SARNP: variants seen among roughly 807,000 people sequenced by gnomAD.
The protein encoded by SARNP is SAP domain containing ribonucleoprotein.
In SARNP, 5 loss-of-function variants were observed where a neutral mutation model predicts 38.1. The ratio of observed to expected loss-of-function variants is 0.13; its 90% CI spans 0.07 to 0.28. SARNP has a LOEUF of 0.28. SARNP is among the 10% of genes least tolerant of loss of function. The pLI is 1.00. For synonymous variants in SARNP, 84 were observed against 80.6 expected (o/e 1.04, Z -0.23); for missense variants, 180 against 243.9 (o/e 0.74, Z 1.75).
At position 55,800,613 on chromosome 12, in the gene SARNP, G is replaced by A; in HGVS notation, c.200C>T (p.Pro67Leu). 1 of 1,611,450 alleles carries A rather than the reference G, an allele frequency of 6.2e-7. No individual in the cohort carries two copies. Among genetic ancestry groups the A allele is most frequent in the South Asian group, 1.1e-5 (1 of 90,664 alleles). The change falls in exon 4 of 11, where the codon CCC becomes CTC. Residue 67 changes from proline to leucine, a missense_variant. By Grantham distance (98) the Pro-to-Leu change is moderately conservative. Transcript: ENST00000336133. ...TTCCTCTTTGACAGGGAGCTCAATG[G>A]GCTTTGTTTCTTCTTCCTAAAACCA... ...GDETEEEETK[P>L]IELPVKEEEP... is the part of the protein sequence containing the mutation.
chr12:55,814,756 C>T (rs541239468), intron 1 of SARNP, among the ~76,000 whole-genome samples: 8 of 152,118 alleles, frequency 5.3e-5, no homozygotes, highest in African/African-American at 9.6e-5. Context: ...GTAATCCCAG[C>T]TACTCGGGAA....
At chr12:55,808,462 C>T (rs1454686455) in intron 1 of SARNP, among the ~76,000 whole-genome samples, 3 of 152,104 alleles carry the variant, frequency 2.0e-5, no homozygotes, top group African/African-American at 7.2e-5. Flanking sequence ...ATTACACACA[C>T]GCGCCACCAT....
intron 1 of SARNP, among the ~76,000 whole-genome samples, chr12:55,810,500 T>A (rs1293011508): frequency 6.6e-6 from 1 of 151,546 alleles, no homozygotes; most frequent in East Asian, 1.9e-4. Context: ...TCACTCAGGC[T>A]GGAGTACAGT....
At chr12:55,796,993 G>T (rs1377273754) in intron 4 of SARNP, among the ~76,000 whole-genome samples, 1 of 152,122 alleles carries the variant, frequency 6.6e-6, no homozygotes. Flanking sequence ...GGACCACAGG[G>T]GCGGGAGACA....
At chr12:55,791,195 G>A (rs1315909888) in intron 7 of SARNP, among the ~76,000 whole-genome samples, 1 of 152,206 alleles carries the variant, frequency 6.6e-6, no homozygotes, top group African/African-American at 2.4e-5. Context: ...GAGAGGTAAT[G>A]GAGGATATCT....
chr12:55,817,578 C>T (rs1565686460), intron 1 of SARNP, 88 bp downstream of exon 1: 2 of 1,277,040 alleles, frequency 1.6e-6, no homozygotes, highest in Non-Finnish European at 1.1e-6. Context: ...AAAGGCTGCA[C>T]GGAGAAGACG....
At chr12:55,770,631 A>G (rs1189156714) in intron 9 of SARNP, among the ~76,000 whole-genome samples, 1 of 152,170 alleles carries the variant, frequency 6.6e-6, no homozygotes, top group Admixed American at 6.5e-5. Context: ...GGAAGATCAG[A>G]TGCAACAATT....
rs1565673497 is a variant in SARNP at position 55,774,558 on chromosome 12, T to TAAAAAAAAAAA, written c.502-13919_502-13918insTTTTTTTTTTT. On this transcript the variant is annotated intron_variant, in intron 9 of 10. Transcript: ENST00000336133. Reference sequence around the variant, plus strand: ...CGACACGGTGAAACCCCGTCTCTACTGAAAAAAAAAAAAAAACAAACAAAA... The same window carrying TAAAAAAAAAAA: ...CGACACGGTGAAACCCCGTCTCTACTAAAAAAAAAAAGAAAAAAAAAAAAAAACAAACAAAA... Among the ~76,000 whole-genome samples, 132 of 40,506 alleles carry TAAAAAAAAAAA rather than the reference T, an allele frequency of 3.3e-3. 14 individuals are homozygous for TAAAAAAAAAAA. Among genetic ancestry groups the TAAAAAAAAAAA allele is most frequent in the Middle Eastern group, 0.018 (1 of 56 alleles). 26.6% of individuals were successfully genotyped at this position (40,506 alleles called of 152,430 possible).
chr12:55,817,563 G>T, intron 1 of SARNP, 103 bp downstream of exon 1: 1 of 1,093,206 alleles, frequency 9.1e-7, no homozygotes. Context: ...GAGAAACGAA[G>T]TGGAAAAGGC....
At chr12:55,783,118 A>G (rs1441749198) in intron 9 of SARNP, among the ~76,000 whole-genome samples, 2 of 152,040 alleles carry the variant, frequency 1.3e-5, no homozygotes, top group Admixed American at 6.6e-5. Context: ...TTAAAAAAAT[A>G]ATAAAAATGG....
In SARNP at chr12:55,802,710, T is replaced by A. The variant is rs558040795; in HGVS notation, c.136+919A>T. ...CCCAAGCATTTCAAATATATAACAC[T>A]CAACCCATAGTATAATATATACTAT... On this transcript the variant is annotated intron_variant, in intron 2 of 10. Transcript: ENST00000336133. 3.3e-5 allele frequency among the ~76,000 whole-genome samples: 5 copies of A among 151,284 alleles called. No homozygotes were observed. In the South Asian group the frequency reaches 6.3e-4, roughly 19 times the overall value.
chr12:55,808,476 T>G (rs1880223914), intron 1 of SARNP, among the ~76,000 whole-genome samples: 1 of 152,116 alleles, frequency 6.6e-6, no homozygotes, highest in Non-Finnish European at 1.5e-5. Flanking sequence ...CCACCATGCC[T>G]GGCTAATTTA....
At chr12:55,778,710 G>A (rs1036417025) in intron 9 of SARNP, among the ~76,000 whole-genome samples, 5 of 152,120 alleles carry the variant, frequency 3.3e-5, no homozygotes, top group Admixed American at 6.5e-5. Flanking sequence ...GGTAGCTCAC[G>A]CCTGTAATCC....
chr12:55,769,399 TA>T (rs1341831005), intron 9 of SARNP, among the ~76,000 whole-genome samples: 4 of 152,252 alleles, frequency 2.6e-5, no homozygotes, highest in Non-Finnish European at 4.4e-5. Context: ...ACCAAGTTAC[TA>T]TAAAGGTGTA....
At chr12:55,776,479 C>T (rs1276762895) in intron 9 of SARNP, among the ~76,000 whole-genome samples, 3 of 152,118 alleles carry the variant, frequency 2.0e-5, no homozygotes, top group African/African-American at 7.2e-5. Flanking sequence ...TATGCTCATC[C>T]GCCTACATAC....
Position 55,763,323 on chromosome 12 carries a change from T to TC in SARNP, c.502-2684_502-2683insG, listed in dbSNP as rs1244715500. ...TCATTTACTACTTTTTTTTTTTTTT[T>TC]TCCCCAGAGACAGAGTCTCGCTCTG... On this transcript the variant is annotated intron_variant, in intron 9 of 10. Transcript: ENST00000336133. Among the ~76,000 whole-genome samples, 181 of 143,406 alleles carry TC rather than the reference T, an allele frequency of 1.3e-3. 1 individual carries two copies. Among genetic ancestry groups the TC allele is most frequent in the Non-Finnish European group, 2.3e-3 (142 of 62,500 alleles). The allele number at this position is 143,406 out of a possible 152,430, so 94.1% of individuals were successfully genotyped here.
At chr12:55,802,185 T>C (rs1000858160) in intron 2 of SARNP, among the ~76,000 whole-genome samples, 1 of 152,162 alleles carries the variant, frequency 6.6e-6, no homozygotes, top group African/African-American at 2.4e-5. Context: ...AGACTGCAGA[T>C]CTACAGAGCA....
intron 9 of SARNP, among the ~76,000 whole-genome samples, chr12:55,788,393 A>C (rs1214536219): frequency 6.6e-6 from 1 of 152,226 alleles, no homozygotes; most frequent in Non-Finnish European, 1.5e-5. Context: ...CCTAAAGACA[A>C]GACTGTCTTC....
At chr12:55,805,590 T>C (rs1401184767) in intron 1 of SARNP, among the ~76,000 whole-genome samples, 1 of 152,210 alleles carries the variant, frequency 6.6e-6, no homozygotes, top group African/African-American at 2.4e-5. Context: ...CTCACGCCTG[T>C]AATCCCAGCA....
Sources: gnomAD v4.1 joint callset for allele counts (sites outside exome capture counted in the v4.1 genomes callset) on GRCh38, gnomAD v4.1.1 for gene constraint, MANE v1.5 for transcripts, NCBI Gene and HGNC (gene_info 2026-07-23, HGNC 2026-07-21) for gene names.